RYR3: variants seen among roughly 807,000 people sequenced by gnomAD.
The protein encoded by RYR3 is ryanodine receptor 3, also known as brain ryanodine receptor-calcium release channel.
RYR3 carries 207 observed loss-of-function variants against 584.3 expected under a neutral mutation model. That is an observed-to-expected ratio of 0.35 (90% CI 0.32 to 0.40). The LOEUF is 0.40. Ranked by LOEUF, RYR3 falls within the 10% of genes least tolerant of loss-of-function variation. RYR3 has a pLI of 1.00. For synonymous variants in RYR3, 2,416 were observed against 2,248.5 expected, an observed-to-expected ratio of 1.07 and a Z score of -2.11; for missense variants, 5,616 against 6,089.2, an observed-to-expected ratio of 0.92 and a Z score of 2.59.
chr15:33,668,374 G>A (rs2220900), intron 36 of RYR3, among the ~76,000 whole-genome samples: 120,219 of 152,046 alleles, frequency 0.79, 49,229 homozygotes, highest in East Asian at 0.92. Context: ...CTGACCAAAA[G>A]CTGGGCCAAT....
In RYR3 at chr15:33,837,666, G is replaced by T; in HGVS notation, c.11686G>T (p.Val3896Phe). ...AAATGGCACCATTGGCAAGCAGATG[G>T]TTGACACACTGGTAGAATCATCTAC... The part of the protein sequence containing the change: ...VVNGTIGKQM[V>F]DTLVESSTNV... Residue 3896 changes from valine to phenylalanine, a missense_variant, in exon 89 of 104, where the codon GTT becomes TTT. By Grantham distance (50) the Val-to-Phe change is conservative. This residue lies in a region of RYR3 where 13 missense variants were observed against 41.1 expected (regional missense o/e 0.32). Transcript: ENST00000634891. 1 of 1,603,368 alleles carries T rather than the reference G, an allele frequency of 6.2e-7. No individual in the cohort carries two copies. The highest frequency in any genetic ancestry group is 8.5e-7 in the Non-Finnish European group (1 of 1,174,440).
intron 27 of RYR3, among the ~76,000 whole-genome samples, chr15:33,639,933 C>G (rs2061703291): frequency 1.3e-5 from 2 of 152,200 alleles, no homozygotes; most frequent in East Asian, 3.8e-4. Context: ...CTCTTTTCCT[C>G]TGTTTAAAGG....
chr15:33,562,168 G>A (rs1285419347), intron 10 of RYR3, among the ~76,000 whole-genome samples: 1 of 152,194 alleles, frequency 6.6e-6, no homozygotes, highest in East Asian at 1.9e-4. Context: ...TTGTCACTGA[G>A]TTGTTACCTG....
chr15:33,603,042 G>C (rs2059749224), intron 17 of RYR3, 81 bp from the exon 18 acceptor site: 4 of 1,468,794 alleles, frequency 2.7e-6, no homozygotes, highest in Non-Finnish European at 3.7e-6. Context: ...TAAATGGGCC[G>C]TTGCCTCCTA....
chr15:33,608,572 C>T (rs2060019410), intron 18 of RYR3, among the ~76,000 whole-genome samples: 1 of 152,220 alleles, frequency 6.6e-6, no homozygotes, highest in Non-Finnish European at 1.5e-5. Flanking sequence ...GATGGGCTCT[C>T]TTATCCAAAT....
chr15:33,816,903 T>G lies in RYR3; in HGVS notation c.10544T>G (p.Phe3515Cys). The change falls in exon 75 of 104, where the codon TTT becomes TGT. Residue 3515 changes from phenylalanine (F) to cysteine (C), a missense_variant. Coordinates refer to ENST00000634891, the MANE Select transcript of RYR3 (RefSeq NM_001036.6). Reference sequence around the variant, plus strand: ...CTCTTCCTCCATGGCTATCAGAGATTTTGGATAGAAACAGAGGAGTATTCC... The same window carrying G: ...CTCTTCCTCCATGGCTATCAGAGATGTTGGATAGAAACAGAGGAGTATTCC... ...INLFLHGYQR[F>C]WIETEEYSFE... is the part of the protein sequence containing the mutation. 1 of 1,612,692 alleles carries G rather than the reference T, an allele frequency of 6.2e-7. No individual in the cohort carries two copies. The highest frequency in any genetic ancestry group is 8.5e-7 in the Non-Finnish European group (1 of 1,179,226).
chr15:33,754,337 C>T (rs115979427), intron 57 of RYR3, among the ~76,000 whole-genome samples: 1,537 of 152,316 alleles, frequency 0.01, 26 homozygotes, highest in African/African-American at 0.036. Context: ...CTTCCCTTCT[C>T]ACTCAGAGCA....
rs1449406965 is a variant in RYR3 at position 33,669,411 on chromosome 15, C to T, written c.5677C>T (p.Arg1893Trp). Residue 1893 changes from arginine (R) to tryptophan (W), a missense_variant, in exon 37 of 104, where the codon CGG becomes TGG. This residue lies in a region of RYR3 where 1,280 missense variants were observed against 1,426.2 expected (regional missense o/e 0.90). Transcript: ENST00000634891. ...GAACTGCCCCTGCCCAGAGGAGATT[C>T]GGGAGGAGCTGTATGATTTCCATGA... is the stretch of plus-strand genomic sequence containing the variant. ...GENCPCPEEI[R>W]EELYDFHEDL... The T allele has an allele frequency of 1.9e-6, 3 of 1,613,928 alleles. No homozygotes were observed. Among genetic ancestry groups the T allele is most frequent in the East Asian group, 2.2e-5 (1 of 44,874 alleles).
chr15:33,520,933 C>T lies in RYR3; in HGVS notation c.280-9659C>T, dbSNP rs548489773. 2.6e-5 allele frequency among the ~76,000 whole-genome samples: 4 copies of T among 152,238 alleles called. No homozygotes were observed. In the South Asian group the frequency reaches 6.2e-4, roughly 24 times the overall value. ...GAAACTCAGTCATTTAATTTGTTCC[C>T]CAACCATTATGGATTGGGACAAAAG... On this transcript the variant is annotated intron_variant, in intron 3 of 103. Coordinates refer to ENST00000634891, the MANE Select transcript of RYR3 (RefSeq NM_001036.6).
intron 60 of RYR3, among the ~76,000 whole-genome samples, chr15:33,761,898 AG>A (rs1310230159): frequency 2.6e-5 from 4 of 152,204 alleles, no homozygotes; most frequent in African/African-American, 9.6e-5. Flanking sequence ...CACATCAAAA[AG>A]CTTATCCAAC....
At chr15:33,495,318 A>G (rs187358252) in intron 2 of RYR3, among the ~76,000 whole-genome samples, 1 of 152,324 alleles carries the variant, frequency 6.6e-6, no homozygotes, top group East Asian at 1.9e-4. Flanking sequence ...TGGGAACTCT[A>G]TCTCCAGGGA....
chr15:33,366,669 C>T (rs1436722680), intron 1 of RYR3, among the ~76,000 whole-genome samples: 1 of 152,000 alleles, frequency 6.6e-6, no homozygotes, highest in Non-Finnish European at 1.5e-5. Flanking sequence ...GAGGGGTTTG[C>T]TAGGAAAATG....
At chr15:33,781,767 A>G (rs2074392300) in intron 65 of RYR3, among the ~76,000 whole-genome samples, 1 of 151,122 alleles carries the variant, frequency 6.6e-6, no homozygotes, top group Admixed American at 6.6e-5. Flanking sequence ...AACTTTCCAA[A>G]GTCCCGTATG....
At chr15:33,649,315 C>G (rs946526941) in intron 31 of RYR3, 80 bp downstream of exon 31, 148 of 1,349,046 alleles carry the variant, frequency 1.1e-4, no homozygotes, top group Middle Eastern at 2.6e-4. Context: ...CACCCCACAC[C>G]CAAAGAAGGA....
intron 87 of RYR3, among the ~76,000 whole-genome samples, chr15:33,835,437 C>G (rs1161693218): frequency 6.6e-6 from 1 of 152,196 alleles, no homozygotes. Context: ...TTGCATGTCT[C>G]TGTAATCCAC....
intron 16 of RYR3, among the ~76,000 whole-genome samples, chr15:33,595,043 T>C (rs1286642056): frequency 6.6e-6 from 1 of 152,184 alleles, no homozygotes; most frequent in Non-Finnish European, 1.5e-5. Context: ...ATTTTTGGAC[T>C]TTAGGGAACC....
At position 33,568,280 on chromosome 15, in the gene RYR3, T is replaced by C. The variant is rs576879517; in HGVS notation, c.1268+1481T>C. Among the ~76,000 whole-genome samples the C allele has an allele frequency of 9.8e-5, 15 of 152,332 alleles. No individual in the cohort carries two copies. The South Asian group carries it at 3.1e-3, about 32-fold the overall frequency. Reference sequence around the variant, plus strand: ...GAATATTCCAAAAGCTAGTGAACCATTGAATTGTGCTCTTTAAATAGGTTA... The same window carrying C: ...GAATATTCCAAAAGCTAGTGAACCACTGAATTGTGCTCTTTAAATAGGTTA... On this transcript the variant is annotated intron_variant, in intron 12 of 103. Transcript: ENST00000634891.
chr15:33,554,852 T>C (rs893919941), intron 10 of RYR3, among the ~76,000 whole-genome samples: 4 of 152,238 alleles, frequency 2.6e-5, no homozygotes, highest in African/African-American at 4.8e-5. Context: ...CATGACTCAA[T>C]GTCAGTTTAC....
intron 38 of RYR3, among the ~76,000 whole-genome samples, chr15:33,671,805 C>CTTTTTTTTTTTTTTTTTTTTTTT (rs56206846): frequency 1.2e-5 from 1 of 80,312 alleles, no homozygotes; most frequent in Non-Finnish European, 2.3e-5. Context: ...CCTTCTTTTT[C>CTTTTTTTTTTTTTTTTTTTTTTT]TTTTTTTTTT....
Sources: gnomAD v4.1 joint callset for allele counts (sites outside exome capture counted in the v4.1 genomes callset) on GRCh38, gnomAD v4.1.1 for gene constraint, gnomAD v4.1.1 regional missense constraint, MANE v1.5 for transcripts, NCBI Gene and HGNC (gene_info 2026-07-23, HGNC 2026-07-21) for gene names.